The following PCSK6 variants were observed in gnomAD, a reference collection of about 807,000 sequenced individuals.
The protein encoded by PCSK6 is proprotein convertase subtilisin/kexin type 6, also known as paired basic amino acid cleaving enzyme 4.
A neutral mutation model predicts 123.3 loss-of-function variants in PCSK6; 85 were observed. The ratio of observed to expected loss-of-function variants is 0.69; its 90% CI spans 0.58 to 0.83. PCSK6 has a LOEUF of 0.83. Ranked by LOEUF, PCSK6 falls within the 40% of genes least tolerant of loss-of-function variation. The pLI is 0.00. For missense variants in PCSK6, 1,191 were observed against 1,282.3 expected, an observed-to-expected ratio of 0.93 and a Z score of 1.09; for synonymous variants, 508 against 516.0, an observed-to-expected ratio of 0.98 and a Z score of 0.21.
intron 6 of PCSK6, among the ~76,000 whole-genome samples, chr15:101,402,820 G>A (rs2042632122): frequency 2.0e-5 from 3 of 152,084 alleles, no homozygotes; most frequent in Admixed American, 1.3e-4. Context: ...TACACTGTTG[G>A]TGGGACTGTA....
chr15:101,471,991 T>C (rs1055394485), intron 1 of PCSK6, among the ~76,000 whole-genome samples: 1 of 152,076 alleles, frequency 6.6e-6, no homozygotes, highest in Non-Finnish European at 1.5e-5. Flanking sequence ...CATTTGTTTT[T>C]CCATTCTCCT....
chr15:101,382,377 G>T (rs778029201), intron 10 of PCSK6, among the ~76,000 whole-genome samples, 168 bp from the exon 11 acceptor site: 2 of 152,174 alleles, frequency 1.3e-5, no homozygotes, highest in Non-Finnish European at 2.9e-5. Flanking sequence ...CTGCTCAAAG[G>T]TCCCAGCTGC....
chr15:101,486,493 C>T (rs1369494504), intron 1 of PCSK6, among the ~76,000 whole-genome samples: 1 of 152,170 alleles, frequency 6.6e-6, no homozygotes, highest in Non-Finnish European at 1.5e-5. Flanking sequence ...TGTCATCTGC[C>T]GATAATGACA....
At chr15:101,383,325 G>A (rs756590117) in intron 10 of PCSK6, among the ~76,000 whole-genome samples, 7 of 145,780 alleles carry the variant, frequency 4.8e-5, no homozygotes, top group Middle Eastern at 7.4e-3. Context: ...AAGGAAAATC[G>A]TTTGAACGCA....
At chr15:101,364,349 C>A (rs1025502509) in intron 13 of PCSK6, among the ~76,000 whole-genome samples, 16 of 152,182 alleles carry the variant, frequency 1.1e-4, no homozygotes, top group African/African-American at 3.9e-4. Flanking sequence ...CGTTTATAGA[C>A]CTTTGTGGGT....
chr15:101,442,941 G>A (rs1449826390), intron 2 of PCSK6, among the ~76,000 whole-genome samples: 1 of 152,174 alleles, frequency 6.6e-6, no homozygotes, highest in Non-Finnish European at 1.5e-5. Flanking sequence ...AAAAATACCT[G>A]CCAAATGAAT....
At chr15:101,408,424 C>G (rs2042843065) in intron 6 of PCSK6, among the ~76,000 whole-genome samples, 1 of 152,252 alleles carries the variant, frequency 6.6e-6, no homozygotes, top group South Asian at 2.1e-4. Context: ...CTAGCCTCAC[C>G]CATTCTCTGC....
At chr15:101,432,846 T>A (rs2056491190) in intron 2 of PCSK6, among the ~76,000 whole-genome samples, 2 of 152,350 alleles carry the variant, frequency 1.3e-5, no homozygotes, top group Admixed American at 6.5e-5. Flanking sequence ...AGGACATAAG[T>A]AAATATGGTA....
At chr15:101,435,834 G>A (rs4965867) in intron 2 of PCSK6, among the ~76,000 whole-genome samples, 52,780 of 151,852 alleles carry the variant, frequency 0.35, 9,859 homozygotes, top group African/African-American at 0.49. Flanking sequence ...AGAGACCCAG[G>A]AGGGGGCCCT....
chr15:101,464,595 G>A (rs1174809391), intron 1 of PCSK6, among the ~76,000 whole-genome samples: 1 of 152,184 alleles, frequency 6.6e-6, no homozygotes, highest in Non-Finnish European at 1.5e-5. Flanking sequence ...CGAGCAGGCT[G>A]TGGTGGGGTC....
At chr15:101,449,783 C>T (rs997447887) in intron 1 of PCSK6, among the ~76,000 whole-genome samples, 1 of 152,162 alleles carries the variant, frequency 6.6e-6, no homozygotes, top group African/African-American at 2.4e-5. Flanking sequence ...ACCGAGAAGA[C>T]AGGCCCAGAA....
At chr15:101,474,690 T>C (rs8028556) in intron 1 of PCSK6, among the ~76,000 whole-genome samples, 125,403 of 152,092 alleles carry the variant, frequency 0.82, 52,335 homozygotes, top group African/African-American at 0.92. Flanking sequence ...TGCTCAGTGC[T>C]GCAGAAGACT....
chr15:101,309,858 C>G (rs1174061691), intron 20 of PCSK6, among the ~76,000 whole-genome samples: 6 of 152,064 alleles, frequency 3.9e-5, no homozygotes, highest in Non-Finnish European at 8.8e-5. Flanking sequence ...GGGAACTTAT[C>G]GTGCATTGTT....
Position 101,344,102 on chromosome 15 carries a change from T to C in PCSK6, c.1859-12071A>G, listed in dbSNP as rs11247280. On this transcript the variant is annotated intron_variant, in intron 13 of 21. Transcript: ENST00000611716. ...AAAAAAAAAATAAATAAATAAAAAA[T>C]TTGGTGTATTATTCTGTTGTTTGGC... 2.0e-3 allele frequency among the ~76,000 whole-genome samples: 309 copies of C among 151,762 alleles called. 6 individuals are homozygous for C. The East Asian group carries it at 0.034, about 17-fold the overall frequency.
chr15:101,375,241 C>T (rs542091708), intron 11 of PCSK6, among the ~76,000 whole-genome samples: 2 of 152,308 alleles, frequency 1.3e-5, no homozygotes, highest in East Asian at 3.9e-4. Context: ...GCGTGAGCCA[C>T]GGCGCCCGGC....
chr15:101,313,535 C>G (rs1314686794), intron 19 of PCSK6, 30 bp from the exon 20 acceptor site: 19 of 1,572,488 alleles, frequency 1.2e-5, no homozygotes, highest in Non-Finnish European at 1.5e-5. Context: ...AAGCAGGTAT[C>G]AGGGATGGCT....
chr15:101,401,285 T>C (rs534943705), intron 6 of PCSK6, among the ~76,000 whole-genome samples: 2 of 152,322 alleles, frequency 1.3e-5, no homozygotes, highest in East Asian at 1.9e-4. Flanking sequence ...GGAAGAGCCA[T>C]CTCTTCATAG....
intron 11 of PCSK6, among the ~76,000 whole-genome samples, chr15:101,375,021 C>T (rs983522924): frequency 2.0e-5 from 3 of 151,152 alleles, no homozygotes; most frequent in African/African-American, 7.3e-5. Context: ...GGTGCTATCT[C>T]AGCTTACGGT....
At position 101,324,926 on chromosome 15, in the gene PCSK6, G is replaced by A. The variant is rs1268911184; in HGVS notation, c.2301C>T (p.Cys767=). 1 of 1,613,488 alleles carries A rather than the reference G, an allele frequency of 6.2e-7. No homozygotes were observed. Among genetic ancestry groups the A allele is most frequent in the Non-Finnish European group, 8.5e-7 (1 of 1,179,878 alleles). ...SSRAATQCLS[C]RRGFYHHQEM... ...CCTGGTGGTGATAGAACCCGCGGCG[G>A]CAAGACAGGCACTGCGTCGCAGCTC... Residue 767 remains cysteine (C), a synonymous_variant, in exon 17 of 22, where the codon TGC becomes TGT. Transcript: ENST00000611716.
Sources: allele counts gnomAD v4.1 joint callset (sites outside exome capture counted in the v4.1 genomes callset), GRCh38; gene constraint gnomAD v4.1.1; transcripts MANE v1.5; gene names NCBI Gene and HGNC (gene_info 2026-07-23, HGNC 2026-07-21).